DAPK1: variants seen among roughly 807,000 people sequenced by gnomAD.
DAPK1 encodes death associated protein kinase 1.
DAPK1 carries 56 observed loss-of-function variants against 144.9 expected under a neutral mutation model. That is an observed-to-expected ratio of 0.39 (90% CI 0.31 to 0.48). DAPK1 has a LOEUF of 0.48. Ranked by LOEUF, DAPK1 falls within the 20% of genes least tolerant of loss-of-function variation. DAPK1 has a pLI of 0.95. For missense variants in DAPK1, 1,454 were observed against 1,875.4 expected, an observed-to-expected ratio of 0.78 and a Z score of 4.15; for synonymous variants, 690 against 749.0, an observed-to-expected ratio of 0.92 and a Z score of 1.29.
chr9:87,601,691 C>A (rs1245244738), intron 2 of DAPK1, among the ~76,000 whole-genome samples: 1 of 152,102 alleles, frequency 6.6e-6, no homozygotes, highest in Non-Finnish European at 1.5e-5. Context: ...CAGGTGCTGT[C>A]CTAAACACTT....
At chr9:87,694,788 G>A (rs3128491) in intron 21 of DAPK1, among the ~76,000 whole-genome samples, 102,812 of 152,018 alleles carry the variant, frequency 0.68, 35,093 homozygotes, top group East Asian at 0.98. Context: ...TAGAGATGCC[G>A]AGGCCATTGG....
intron 2 of DAPK1, among the ~76,000 whole-genome samples, chr9:87,550,279 G>C (rs141092986): frequency 2.0e-5 from 3 of 152,214 alleles, no homozygotes; most frequent in African/African-American, 7.2e-5. Context: ...TGAGATCCTA[G>C]AATGTGTTTA....
In DAPK1 at chr9:87,639,438, T is replaced by G. The variant is rs1830019236; in HGVS notation, c.508T>G (p.Phe170Val). ...CTTTGGGTTGGCCCATAAAATTGAC[T>G]TTGGAAATGAATTTAAAAACATATT... ...IDFGLAHKID[F>V]GNEFKNIFGT... is the part of the protein sequence containing the mutation. The change falls in exon 5 of 26, where the codon TTT becomes GTT. Residue 170 changes from phenylalanine to valine, a missense_variant. Transcript: ENST00000408954. 1.2e-6 allele frequency: 2 copies of G among 1,613,658 alleles called. No individual in the cohort carries two copies. Among genetic ancestry groups the G allele is most frequent in the Non-Finnish European group, 1.7e-6 (2 of 1,179,926 alleles).
chr9:87,682,406 C>T (rs188494513), intron 20 of DAPK1, among the ~76,000 whole-genome samples: 33 of 152,276 alleles, frequency 2.2e-4, no homozygotes, highest in Middle Eastern at 3.4e-3. Flanking sequence ...CCAAGAGTTT[C>T]CTAAACCAGG....
At chr9:87,664,674 C>T (rs1159005075) in intron 18 of DAPK1, among the ~76,000 whole-genome samples, 2 of 152,208 alleles carry the variant, frequency 1.3e-5, no homozygotes, top group Admixed American at 6.5e-5. Context: ...TTCATTGCTG[C>T]CTCCTAAGTG....
In DAPK1 at chr9:87,516,146, G is replaced by A. The variant is rs12237771; in HGVS notation, c.62+17007G>A. On this transcript the variant is annotated intron_variant, in intron 2 of 25. Transcript: ENST00000408954. The stretch of plus-strand genomic sequence containing the variant: ...AGTTCACTCTCTGGCTGTACTTGCC[G>A]CCCCCCAGCTTCTGCCCTTCTCCTT... Among the ~76,000 whole-genome samples the A allele has an allele frequency of 8.1e-3, 1,227 of 152,110 alleles. 31 individuals are homozygous for A. The East Asian group carries it at 0.088, about 11-fold the overall frequency.
chr9:87,602,865 C>T (rs531586195), intron 2 of DAPK1, among the ~76,000 whole-genome samples: 1 of 152,152 alleles, frequency 6.6e-6, no homozygotes, highest in Non-Finnish European at 1.5e-5. Flanking sequence ...AACTCCTGAC[C>T]TCATGATCCA....
rs370527988 is a variant in DAPK1 at position 87,556,280 on chromosome 9, G to A, written c.63-48674G>A. On this transcript the variant is annotated intron_variant, in intron 2 of 25. Coordinates refer to ENST00000408954, the MANE Select transcript of DAPK1 (RefSeq NM_004938.4). ...CAACAGCGCTGTGAGGTTGGTACAA[G>A]TATTATGTTGATTTTATGGAGGAGG... is the stretch of plus-strand genomic sequence containing the variant. Among the ~76,000 whole-genome samples, 3 of 152,280 alleles carry A rather than the reference G, an allele frequency of 2.0e-5. No individual in the cohort carries two copies. In the East Asian group the frequency reaches 5.8e-4, roughly 29 times the overall value.
intron 3 of DAPK1, among the ~76,000 whole-genome samples, chr9:87,631,068 C>T (rs1386399498): frequency 6.6e-6 from 1 of 152,102 alleles, no homozygotes; most frequent in Non-Finnish European, 1.5e-5. Flanking sequence ...CTCTGCCTCC[C>T]AGGGCTTTGT....
At chr9:87,653,580 T>C (rs1335296369) in intron 17 of DAPK1, among the ~76,000 whole-genome samples, 3 of 152,306 alleles carry the variant, frequency 2.0e-5, no homozygotes, top group Non-Finnish European at 2.9e-5. Context: ...ATGGTAAAAT[T>C]GTAACATCTT....
At chr9:87,595,030 A>T (rs754623246) in intron 2 of DAPK1, among the ~76,000 whole-genome samples, 3 of 152,200 alleles carry the variant, frequency 2.0e-5, no homozygotes, top group Non-Finnish European at 2.9e-5. Context: ...TGCCTTAGGG[A>T]ATAATCTGAA....
At chr9:87,668,751 A>C in intron 19 of DAPK1, 77 bp downstream of exon 19, 1 of 860,742 alleles carries the variant, frequency 1.2e-6, no homozygotes, top group South Asian at 1.3e-5. Flanking sequence ...TCCTTATTTG[A>C]GAATGAGCAA....
chr9:87,521,063 G>T (rs1825280794), intron 2 of DAPK1, among the ~76,000 whole-genome samples: 1 of 152,200 alleles, frequency 6.6e-6, no homozygotes, highest in African/African-American at 2.4e-5. Context: ...GTGATCTACT[G>T]TTAGACTATT....
In DAPK1 at chr9:87,582,184, G is replaced by A. The variant is rs376265475; in HGVS notation, c.63-22770G>A. Reference sequence around the variant, plus strand: ...CTAGTGAGATCTGAAATGGGTCTACGTAAAACAATTGTGAAAGAGTTGCTA... The same window carrying A: ...CTAGTGAGATCTGAAATGGGTCTACATAAAACAATTGTGAAAGAGTTGCTA... On this transcript the variant is annotated intron_variant, in intron 2 of 25. Transcript: ENST00000408954. 5.9e-5 allele frequency among the ~76,000 whole-genome samples: 9 copies of A among 152,114 alleles called. No individual in the cohort carries two copies. The East Asian group carries it at 1.2e-3, about 20-fold the overall frequency.
chr9:87,526,010 A>G (rs4877361), intron 2 of DAPK1, among the ~76,000 whole-genome samples: 18,548 of 151,940 alleles, frequency 0.12, 1,412 homozygotes, highest in Admixed American at 0.16. Context: ...GGCTCCTTTT[A>G]AAGGTATAAT....
intron 3 of DAPK1, among the ~76,000 whole-genome samples, chr9:87,611,470 T>G (rs1828925835): frequency 6.6e-6 from 1 of 152,098 alleles, no homozygotes; most frequent in Non-Finnish European, 1.5e-5. Context: ...TTTTTGGTTT[T>G]TTTCTTGAGA....
intron 2 of DAPK1, among the ~76,000 whole-genome samples, chr9:87,588,077 C>T (rs1056001547): frequency 2.0e-5 from 3 of 152,184 alleles, no homozygotes; most frequent in Non-Finnish European, 4.4e-5. Flanking sequence ...GGAACTTGCC[C>T]AAGATCACAC....
intron 2 of DAPK1, among the ~76,000 whole-genome samples, chr9:87,541,231 T>G (rs140568126): frequency 6.6e-6 from 1 of 152,244 alleles, no homozygotes; most frequent in East Asian, 1.9e-4. Context: ...CGACTGTAAG[T>G]GGTTCTTCTG....
chr9:87,680,702 C>T (rs1187330673), intron 19 of DAPK1, among the ~76,000 whole-genome samples: 1 of 151,982 alleles, frequency 6.6e-6, no homozygotes, highest in East Asian at 1.9e-4. Flanking sequence ...CTCCATCCAA[C>T]TTGTCATGCA....
Sources: allele counts gnomAD v4.1 joint callset (sites outside exome capture counted in the v4.1 genomes callset), GRCh38; gene constraint gnomAD v4.1.1; transcripts MANE v1.5; gene names NCBI Gene and HGNC (gene_info 2026-07-23, HGNC 2026-07-21).